The following RAB11FIP1 variants were observed in gnomAD, a reference collection of about 807,000 sequenced individuals.
RAB11FIP1 encodes rab11 family-interacting protein 1.
RAB11FIP1 carries 49 observed loss-of-function variants against 83.1 expected under a neutral mutation model. That is an observed-to-expected ratio of 0.59 (90% CI 0.47 to 0.75). RAB11FIP1 has a LOEUF of 0.75. Among genes scored for constraint, RAB11FIP1 ranks in the 30% least tolerant of loss-of-function variants. RAB11FIP1 has a pLI of 0.00. For synonymous variants in RAB11FIP1, 670 were observed against 656.0 expected, an observed-to-expected ratio of 1.02 and a Z score of -0.33; for missense variants, 1,536 against 1,598.7, an observed-to-expected ratio of 0.96 and a Z score of 0.67.
rs1462868782 is a variant in RAB11FIP1 at position 37,899,121 on chromosome 8, G to C, written c.321C>G (p.Ala107=). The C allele has an allele frequency of 6.5e-7, 1 of 1,535,198 alleles. No individual in the cohort carries two copies. ...LLGLDKFLGR[A]EVDLRDLHRD... ...GGTGCAGATCCCGCAGGTCCACCTCGGCGCGGCCCAGGAACTTGTCGAGGC... is the reference window on the plus strand; with the variant it reads ...GGTGCAGATCCCGCAGGTCCACCTCCGCGCGGCCCAGGAACTTGTCGAGGC... Residue 107 remains alanine (A), a synonymous_variant, in exon 1 of 6, where the codon GCC becomes GCG. Transcript: ENST00000330843. This position sits in a 1 kb window ranked among gnomAD's most constrained non-coding sequence, Gnocchi z 4.5.
At chr8:37,893,242 T>A (rs1352864076) in intron 1 of RAB11FIP1, among the ~76,000 whole-genome samples, 1 of 151,964 alleles carries the variant, frequency 6.6e-6, no homozygotes, top group Non-Finnish European at 1.5e-5. Flanking sequence ...ACTCAGCTAA[T>A]TTTTGTATTT....
intron 4 of RAB11FIP1, chr8:37,870,884 C>A: frequency 3.5e-6 from 1 of 284,864 alleles, no homozygotes; most frequent in Non-Finnish European, 6.5e-6. Flanking sequence ...TGTCCCTCCA[C>A]AGTAAAGACA....
intron 1 of RAB11FIP1, among the ~76,000 whole-genome samples, chr8:37,890,773 CA>C (rs35503716): frequency 0.042 from 3,295 of 77,726 alleles, 46 homozygotes; most frequent in Admixed American, 0.093. Flanking sequence ...AAAATTCTGC[CA>C]AAAAAAAAAA....
At chr8:37,885,581 C>G (rs1344745736) in intron 1 of RAB11FIP1, among the ~76,000 whole-genome samples, 1 of 152,016 alleles carries the variant, frequency 6.6e-6, no homozygotes, top group Non-Finnish European at 1.5e-5. Context: ...TAAAAGTATA[C>G]AAAAAGTCAT....
intron 3 of RAB11FIP1, 142 bp from the exon 4 acceptor site, chr8:37,873,321 C>T: frequency 1.0e-6 from 1 of 955,726 alleles, no homozygotes; most frequent in Non-Finnish European, 1.5e-6. Context: ...AAAAGGAACG[C>T]TAGCCGGGCG....
chr8:37,894,107 A>C (rs1807012364), intron 1 of RAB11FIP1, among the ~76,000 whole-genome samples: 1 of 152,234 alleles, frequency 6.6e-6, no homozygotes, highest in African/African-American at 2.4e-5. Context: ...GGAGGTTTCC[A>C]GTAAGGCTCA....
rs756882522 is a variant in RAB11FIP1, at chr8:37,872,919, G to A, written c.1883C>T (p.Pro628Leu). ...CAACTCTGCCTTAGGGAGCAAGGGT[G>A]GTCCTTCAGACTTGGCCTGGCCCCT... ...VDRGQAKSEG[P>L]PLLPKAELQT... Residue 628 changes from proline to leucine, a missense_variant, in exon 4 of 6, where the codon CCA (proline) becomes CTA (leucine). Pro to Leu is a moderately conservative substitution (Grantham distance 98). Coordinates refer to ENST00000330843, the MANE Select transcript of RAB11FIP1 (RefSeq NM_001002814.3). 3 of 1,614,218 alleles carry A rather than the reference G, an allele frequency of 1.9e-6. No homozygotes were observed. The Admixed American group carries it at 5.0e-5, about 27-fold the overall frequency.
chr8:37,886,166 G>A (rs1309582465), intron 1 of RAB11FIP1, among the ~76,000 whole-genome samples: 1 of 152,134 alleles, frequency 6.6e-6, no homozygotes, highest in Non-Finnish European at 1.5e-5. Context: ...AGAATGAGGA[G>A]GACTAAAAAG....
In RAB11FIP1 at chr8:37,872,251, C is replaced by A; in HGVS notation, c.2551G>T (p.Gly851Ter). The change falls in exon 4 of 6, where the codon GGA becomes TGA. Residue 851 changes from glycine (G) to a stop codon, truncating the protein, a stop_gained. Transcript: ENST00000330843. LOFTEE classifies it high-confidence loss of function. ...GCGTGGGGAGACTCAGGAGGCTCTC[C>A]GTCAGACGCGTTTCCAGCAACAGAC... ...AWSVAGNASD[G>*]EPPESPHAED... 6.2e-7 allele frequency: 1 copy of A among 1,613,886 alleles called. No individual in the cohort carries two copies. Among genetic ancestry groups the A allele is most frequent in the South Asian group, 1.1e-5 (1 of 91,052 alleles).
At position 37,894,432 on chromosome 8, in the gene RAB11FIP1, T is replaced by C. The variant is rs544888251; in HGVS notation, c.371+4639A>G. On this transcript the variant is annotated intron_variant, in intron 1 of 5. Coordinates refer to ENST00000330843, the MANE Select transcript of RAB11FIP1 (RefSeq NM_001002814.3). ...GTTCTTCCAAGTATCTAACCCTTTATAATACCTAAGTCCTTTCATATGCAA... is the reference window on the plus strand; with the variant it reads ...GTTCTTCCAAGTATCTAACCCTTTACAATACCTAAGTCCTTTCATATGCAA... Among the ~76,000 whole-genome samples, 13 of 152,154 alleles carry C rather than the reference T, an allele frequency of 8.5e-5. 1 individual carries two copies. The highest frequency in any genetic ancestry group is 3.1e-4 in the African/African-American group (13 of 41,536).
intron 1 of RAB11FIP1, among the ~76,000 whole-genome samples, chr8:37,891,062 G>T (rs1279922108): frequency 6.6e-6 from 1 of 152,206 alleles, no homozygotes; most frequent in African/African-American, 2.4e-5. Flanking sequence ...TGTCCCAGAG[G>T]AAAACAGGGC....
intron 4 of RAB11FIP1, chr8:37,870,955 T>C: frequency 2.9e-6 from 1 of 343,308 alleles, no homozygotes; most frequent in Non-Finnish European, 5.3e-6. Context: ...TTGACACTGC[T>C]AGATACTACT....
intron 1 of RAB11FIP1, among the ~76,000 whole-genome samples, chr8:37,884,986 T>A (rs949885039): frequency 4.0e-5 from 6 of 150,408 alleles, no homozygotes; most frequent in Non-Finnish European, 8.9e-5. Flanking sequence ...ACTCGGCCTA[T>A]ATTTTTTAAT....
chr8:37,876,214 AAAGGAAGGAAGGAAGGAAGGAAGG>A lies in RAB11FIP1; in HGVS notation c.814+871_815-893del, dbSNP rs71216633. On this transcript the variant is annotated intron_variant, in intron 2 of 5. Coordinates refer to ENST00000330843, the MANE Select transcript of RAB11FIP1 (RefSeq NM_001002814.3). ...CATCTCAAAAGAAAAGAAAAGAAAG[AAAGGAAGGAAGGAAGGAAGGAAGG>A]AAGGAAGGAAGGAAGGAAGGAAGGA... 1.2e-3 allele frequency among the ~76,000 whole-genome samples: 160 copies of A among 128,384 alleles called. 1 individual carries two copies. The highest frequency in any genetic ancestry group is 3.8e-3 in the Middle Eastern group (1 of 260). The allele number at this position is 128,384 out of a possible 152,430, so 84.2% of individuals were successfully genotyped here.
chr8:37,897,839 C>T (rs899584905), intron 1 of RAB11FIP1, among the ~76,000 whole-genome samples: 1 of 152,132 alleles, frequency 6.6e-6, no homozygotes, highest in Non-Finnish European at 1.5e-5. Flanking sequence ...CTTCACCAAC[C>T]CCCTAGGCAA....
At chr8:37,895,259 ATTTTTTTTTTTTTTTTTTTT>A (rs71216637) in intron 1 of RAB11FIP1, among the ~76,000 whole-genome samples, 2 of 7,390 alleles carry the variant, frequency 2.7e-4, no homozygotes, top group African/African-American at 1.2e-3. Flanking sequence ...ATATATATAT[ATTTTTTTTTTTTTTTTTTTT>A]TTTTTTTTTT....
chr8:37,884,593 G>T (rs1309578997), intron 1 of RAB11FIP1, among the ~76,000 whole-genome samples: 13 of 152,144 alleles, frequency 8.5e-5, no homozygotes, highest in African/African-American at 3.1e-4. Flanking sequence ...CTGTTGCCCA[G>T]GCTGGAGTAC....
chr8:37,891,566 A>G (rs1806946808), intron 1 of RAB11FIP1, among the ~76,000 whole-genome samples: 2 of 152,252 alleles, frequency 1.3e-5, no homozygotes, highest in African/African-American at 4.8e-5. Context: ...CTACAATTAA[A>G]ATGACATATC....
rs1806571121 is a variant in RAB11FIP1 at position 37,874,864 on chromosome 8, C to T, written c.1273G>A (p.Glu425Lys). Residue 425 changes from glutamate (E) to lysine (K), a missense_variant, in exon 3 of 6, where the codon GAG becomes AAG. By Grantham distance (56) the Glu-to-Lys change is moderately conservative. Transcript: ENST00000330843. ...ANSEATKEAK[E>K]SKKPESRRSS... The stretch of plus-strand genomic sequence containing the variant: ...CTCCTGCTCTCTGGCTTCTTGCTCT[C>T]CTTAGCTTCTTTTGTGGCCTCTGAG... 1 of 1,614,062 alleles carries T rather than the reference C, an allele frequency of 6.2e-7. No individual in the cohort carries two copies. Among genetic ancestry groups the T allele is most frequent in the African/African-American group, 1.3e-5 (1 of 74,914 alleles).
Sources: allele counts gnomAD v4.1 joint callset (sites outside exome capture counted in the v4.1 genomes callset), GRCh38; gene constraint gnomAD v4.1.1; non-coding constraint Gnocchi (gnomAD v3.1); transcripts MANE v1.5; gene names NCBI Gene and HGNC (gene_info 2026-07-23, HGNC 2026-07-21).